Variants in GRAMD1C observed in about 807,000 individuals in gnomAD.
GRAMD1C encodes GRAM domain containing 1C.
A neutral mutation model predicts 97.8 loss-of-function variants in GRAMD1C; 89 were observed. That is an observed-to-expected ratio of 0.91 (90% CI 0.77 to 1.09). The LOEUF is 1.09. Ranked by LOEUF, GRAMD1C falls within the 50% of genes least tolerant of loss-of-function variation. The probability of loss-of-function intolerance (pLI) is 0.00; values close to 1 mark genes in which losing one functional copy is unlikely to be tolerated. For missense variants in GRAMD1C, 740 were observed against 766.4 expected (o/e 0.97, Z 0.41); for synonymous variants, 256 against 267.0 (o/e 0.96, Z 0.40).
chr3:113,885,680 G>A, intron 6 of GRAMD1C: 2 of 1,518,456 alleles, frequency 1.3e-6, no homozygotes, highest in Non-Finnish European at 1.8e-6. Context: ...ACGAGCTGGT[G>A]GTGTTTACAG....
At chr3:113,830,512 C>T (rs775313994) in intron 1 of GRAMD1C, among the ~76,000 whole-genome samples, 1 of 152,154 alleles carries the variant, frequency 6.6e-6, no homozygotes, top group Non-Finnish European at 1.5e-5. Flanking sequence ...ATTCTATCTC[C>T]TGTATTACTA....
chr3:113,854,192 A>G (rs1034623401), intron 2 of GRAMD1C, among the ~76,000 whole-genome samples: 2 of 151,960 alleles, frequency 1.3e-5, no homozygotes, highest in Non-Finnish European at 2.9e-5. Context: ...ATATGGATAG[A>G]AAGGTCAGGT....
intron 6 of GRAMD1C, among the ~76,000 whole-genome samples, chr3:113,899,542 G>A (rs916106201): frequency 1.3e-5 from 2 of 152,088 alleles, no homozygotes; most frequent in African/African-American, 4.8e-5. Context: ...GTGCAGTAAC[G>A]CACATTTGTT....
At chr3:113,856,571 G>T (rs1006443454) in intron 2 of GRAMD1C, among the ~76,000 whole-genome samples, 21 of 152,050 alleles carry the variant, frequency 1.4e-4, no homozygotes, top group African/African-American at 5.1e-4. Flanking sequence ...ACAGAGTCCT[G>T]CTCTGTCGCC....
intron 2 of GRAMD1C, among the ~76,000 whole-genome samples, chr3:113,849,860 T>C (rs1323090479): frequency 1.3e-5 from 2 of 151,754 alleles, no homozygotes; most frequent in Non-Finnish European, 1.5e-5. Flanking sequence ...CACTTCCCAG[T>C]AGGGGCGGCC....
At chr3:113,871,167 C>T (rs1471879855) in intron 3 of GRAMD1C, among the ~76,000 whole-genome samples, 1 of 152,002 alleles carries the variant, frequency 6.6e-6, no homozygotes, top group Non-Finnish European at 1.5e-5. Flanking sequence ...AACAGATGTA[C>T]TCATAGAGAA....
Position 113,938,072 on chromosome 3 carries a change from C to A in GRAMD1C, c.1634-14C>A. On this transcript the variant is annotated splice_polypyrimidine_tract_variant and intron_variant, in intron 14 of 17. Transcript: ENST00000358160. ...ATTCTCATTCTAATGCAGCCTTTTT[C>A]TTGTGATCTACAGGAAAGAAAAAGG... 7.3e-7 allele frequency: 1 copy of A among 1,372,430 alleles called. No individual in the cohort carries two copies. Among genetic ancestry groups the A allele is most frequent in the Non-Finnish European group, 1.0e-6 (1 of 993,674 alleles). The allele number at this position is 1,372,430 out of a possible 1,614,324, so 85.0% of individuals were successfully genotyped here.
intron 2 of GRAMD1C, among the ~76,000 whole-genome samples, chr3:113,849,305 TTA>T (rs1366807003): frequency 0.013 from 1,985 of 150,072 alleles, 23 homozygotes; most frequent in Non-Finnish European, 0.023. Flanking sequence ...ATTTATTTAT[TTA>T]TTTTTTATTG....
At chr3:113,853,643 T>G (rs1934000029) in intron 2 of GRAMD1C, among the ~76,000 whole-genome samples, 1 of 152,218 alleles carries the variant, frequency 6.6e-6, no homozygotes. Flanking sequence ...GAGAATGTTC[T>G]AAGTGAACAG....
intron 8 of GRAMD1C, among the ~76,000 whole-genome samples, chr3:113,904,639 A>T (rs766947850): frequency 2.0e-5 from 3 of 151,460 alleles, no homozygotes; most frequent in Non-Finnish European, 4.4e-5. Flanking sequence ...TTTCTTTCAC[A>T]GAAGGGAACA....
upstream of GRAMD1C, among the ~76,000 whole-genome samples, chr3:113,836,346 T>A (rs1238631961): frequency 6.6e-6 from 1 of 152,176 alleles, no homozygotes; most frequent in Non-Finnish European, 1.5e-5. Context: ...CTCCTTTCCA[T>A]CTCTTCAACT....
intron 1 of GRAMD1C, 79 bp from the exon 2 acceptor site, chr3:113,844,424 G>A: frequency 1.1e-6 from 1 of 933,444 alleles, no homozygotes; most frequent in South Asian, 1.4e-5. Context: ...TAATGTATAT[G>A]TTGTGAACAT....
chr3:113,889,810 G>A (rs544566909), intron 6 of GRAMD1C, among the ~76,000 whole-genome samples: 1 of 152,002 alleles, frequency 6.6e-6, no homozygotes, highest in East Asian at 1.9e-4. Context: ...GGCTAATTTT[G>A]TATTTTTAGT....
At chr3:113,872,289 A>G (rs1934844991) in intron 3 of GRAMD1C, among the ~76,000 whole-genome samples, 1 of 152,058 alleles carries the variant, frequency 6.6e-6, no homozygotes, top group Non-Finnish European at 1.5e-5. Context: ...TATAGAAAAA[A>G]ACTTAAATGG....
intron 9 of GRAMD1C, 140 bp downstream of exon 9, chr3:113,909,260 C>T: frequency 2.4e-6 from 1 of 424,844 alleles, no homozygotes; most frequent in Non-Finnish European, 4.1e-6. Flanking sequence ...AGAATGGGAG[C>T]TTATAGAAAA....
At position 113,864,305 on chromosome 3, in the gene GRAMD1C, G is replaced by T. The variant is rs578104833; in HGVS notation, c.175-5202G>T. On this transcript the variant is annotated intron_variant, in intron 2 of 17. Coordinates refer to ENST00000358160, the MANE Select transcript of GRAMD1C (RefSeq NM_017577.5). Reference sequence around the variant, plus strand: ...ATTTTTGTATTTTTAGTAAAGATGGGGTTTCCACATGTTGGCCAGGCTGGT... The same window carrying T: ...ATTTTTGTATTTTTAGTAAAGATGGTGTTTCCACATGTTGGCCAGGCTGGT... Among the ~76,000 whole-genome samples, 78 of 151,958 alleles carry T rather than the reference G, an allele frequency of 5.1e-4. 1 individual carries two copies. The highest frequency in any genetic ancestry group is 9.1e-4 in the Non-Finnish European group (62 of 67,994).
In GRAMD1C at chr3:113,909,063, A is replaced by G; in HGVS notation, c.895A>G (p.Asn299Asp). 1 of 1,561,468 alleles carries G rather than the reference A, an allele frequency of 6.4e-7. No homozygotes were observed. The highest frequency in any genetic ancestry group is 8.7e-7 in the Non-Finnish European group (1 of 1,152,894). ...TRVPSKSLDLNKNEYLSLDKS... is the reference protein window; with the variant it reads ...TRVPSKSLDLDKNEYLSLDKS... ...AGTGCCATCAAAGTCACTGGACTTG[A>G]ATAAAAATGAATATCTTTCTCTGGA... The change falls in exon 9 of 18, where the codon AAT becomes GAT. Residue 299 changes from asparagine to aspartate, a missense_variant. Physicochemically the swap from Asn to Asp is conservative, Grantham distance 23. Transcript: ENST00000358160.
rs202184425 is a variant in GRAMD1C, at chr3:113,870,467, A to G, written c.259+876A>G. ...AGGGAAGATAAAAAGGAGATGGTTA[A>G]TGGGTACAAGAATACAGTTAGATAG... On this transcript the variant is annotated intron_variant, in intron 3 of 17. Transcript: ENST00000358160. 3.9e-5 allele frequency among the ~76,000 whole-genome samples: 6 copies of G among 152,250 alleles called. No individual in the cohort carries two copies. In the East Asian group the frequency reaches 1.2e-3, roughly 29 times the overall value.
In GRAMD1C at chr3:113,849,306, TA is replaced by T. The variant is rs200411711; in HGVS notation, c.174+4658del. ...TTATTTATTTATTTATTTATTTATT[TA>T]TTTTTTATTGATCATTCTTGGGTGT... On this transcript the variant is annotated intron_variant, in intron 2 of 17. Coordinates refer to ENST00000358160, the MANE Select transcript of GRAMD1C (RefSeq NM_017577.5). Among the ~76,000 whole-genome samples the T allele has an allele frequency of 1.3e-3, 195 of 145,962 alleles. 1 individual carries two copies. The highest frequency in any genetic ancestry group is 9.7e-3 in the South Asian group (46 of 4,718).
Sources: allele counts gnomAD v4.1 joint callset (sites outside exome capture counted in the v4.1 genomes callset), GRCh38; gene constraint gnomAD v4.1.1; transcripts MANE v1.5; gene names NCBI Gene and HGNC (gene_info 2026-07-23, HGNC 2026-07-21).